LIN9: variants seen among roughly 807,000 people sequenced by gnomAD.
LIN9 encodes lin-9 DREAM MuvB core complex component, also known as protein lin-9 homolog.
LIN9 carries 18 observed loss-of-function variants against 78.0 expected under a neutral mutation model. The observed-to-expected ratio is 0.23, with a 90% confidence interval of 0.16 to 0.34. The LOEUF is 0.34. Among genes scored for constraint, LIN9 ranks in the 10% least tolerant of loss-of-function variants. The pLI, the probability that LIN9 is intolerant of heterozygous loss-of-function variation, is 1.00. For missense variants in LIN9, 451 were observed against 644.1 expected, an observed-to-expected ratio of 0.70 and a Z score of 3.25; for synonymous variants, 192 against 215.2, an observed-to-expected ratio of 0.89 and a Z score of 0.94.
intron 12 of LIN9, among the ~76,000 whole-genome samples, chr1:226,234,893 ATTTTT>A (rs558971569): frequency 7.4e-6 from 1 of 134,338 alleles, no homozygotes; most frequent in Non-Finnish European, 1.6e-5. Context: ...GTTATCCTAA[ATTTTT>A]TTTTTTTTTT....
chr1:226,290,604 T>C (rs964390816), intron 4 of LIN9, among the ~76,000 whole-genome samples: 1 of 152,058 alleles, frequency 6.6e-6, no homozygotes, highest in Non-Finnish European at 1.5e-5. Context: ...CCTCCCAAAG[T>C]GCTGGGATTA....
chr1:226,243,265 T>C lies in LIN9; in HGVS notation c.1120-4169A>G, dbSNP rs140628298. Among the ~76,000 whole-genome samples the C allele has an allele frequency of 4.0e-4, 61 of 152,304 alleles. 1 individual carries two copies. Among genetic ancestry groups the C allele is most frequent in the African/African-American group, 1.4e-3 (59 of 41,570 alleles). ...GCCTTAGAAATACAAAATAAAACAATGAGATTTATATTTCACCTATCAGAT... is the reference window on the plus strand; with the variant it reads ...GCCTTAGAAATACAAAATAAAACAACGAGATTTATATTTCACCTATCAGAT... On this transcript the variant is annotated intron_variant, in intron 11 of 14. Transcript: ENST00000681046.
intron 6 of LIN9, among the ~76,000 whole-genome samples, chr1:226,285,622 T>C (rs1661342352): frequency 6.6e-6 from 1 of 152,170 alleles, no homozygotes; most frequent in South Asian, 2.1e-4. Context: ...TCAAAAGTAA[T>C]ATAAGGTTTT....
chr1:226,281,682 AT>A (rs926949902), intron 6 of LIN9, among the ~76,000 whole-genome samples: 8 of 149,772 alleles, frequency 5.3e-5, no homozygotes, highest in African/African-American at 1.2e-4. Flanking sequence ...ATAGTTGACA[AT>A]TTTTTTTTCT....
At chr1:226,273,633 A>C (rs757440794) in intron 7 of LIN9, among the ~76,000 whole-genome samples, 1 of 152,032 alleles carries the variant, frequency 6.6e-6, no homozygotes, top group South Asian at 2.1e-4. Flanking sequence ...TTTTTTAAAA[A>C]GGCAGTTCCC....
chr1:226,274,996 T>C (rs1353804747), intron 7 of LIN9, among the ~76,000 whole-genome samples: 2 of 152,216 alleles, frequency 1.3e-5, no homozygotes, highest in African/African-American at 4.8e-5. Context: ...GGCTTTTTTA[T>C]TGACTTATGG....
intron 3 of LIN9, 107 bp downstream of exon 3, chr1:226,297,611 GA>G: frequency 6.8e-6 from 4 of 590,300 alleles, no homozygotes; most frequent in Non-Finnish European, 1.1e-5. Flanking sequence ...TTGAGGTTGG[GA>G]AAAAAACTTG....
chr1:226,290,847 C>G (rs1661739499), intron 4 of LIN9, among the ~76,000 whole-genome samples: 2 of 152,218 alleles, frequency 1.3e-5, no homozygotes, highest in South Asian at 4.1e-4. Flanking sequence ...GCCTTCGCCT[C>G]CCAGGTTCAA....
chr1:226,309,239 C>G, upstream of LIN9: 2 of 1,375,708 alleles, frequency 1.5e-6, no homozygotes, highest in Non-Finnish European at 1.9e-6. Flanking sequence ...GAGCTCGCTG[C>G]CCGCGGCGCC....
chr1:226,264,050 T>C (rs1659761829), intron 10 of LIN9, among the ~76,000 whole-genome samples: 1 of 152,004 alleles, frequency 6.6e-6, no homozygotes, highest in Admixed American at 6.6e-5. Flanking sequence ...TACTCCAGCC[T>C]GGACAACAGA....
chr1:226,288,718 G>A (rs1318322815), intron 4 of LIN9, among the ~76,000 whole-genome samples: 6 of 140,418 alleles, frequency 4.3e-5, no homozygotes, highest in African/African-American at 8.0e-5. Context: ...ATATACTTAC[G>A]AAACATGCAA....
intron 2 of LIN9, among the ~76,000 whole-genome samples, chr1:226,300,047 T>C (rs1266636761): frequency 6.6e-6 from 1 of 151,814 alleles, no homozygotes; most frequent in African/African-American, 2.4e-5. Context: ...CAAACAATTC[T>C]CCTGCCTCAG....
chr1:226,299,563 G>T (rs923538375), intron 2 of LIN9, among the ~76,000 whole-genome samples: 2 of 145,002 alleles, frequency 1.4e-5, no homozygotes, highest in African/African-American at 5.1e-5. Flanking sequence ...GGGAGAAAAA[G>T]AATAATGGAA....
Position 226,271,291 on chromosome 1 carries a change from C to G in LIN9, c.683-3201G>C, listed in dbSNP as rs553974595. ...ATCACAAAGTCCAGTCACTTTTTAC[C>G]TGCCAGATTCTTTGTTCCTACAGCA... On this transcript the variant is annotated intron_variant, in intron 7 of 14. Coordinates refer to ENST00000681046, the MANE Select transcript of LIN9 (RefSeq NM_001366245.2). Among the ~76,000 whole-genome samples the G allele has an allele frequency of 8.5e-5, 13 of 152,262 alleles. No homozygotes were observed. In the South Asian group the frequency reaches 2.5e-3, roughly 29 times the overall value.
At chr1:226,263,469 C>A (rs1370486035) in intron 10 of LIN9, among the ~76,000 whole-genome samples, 1 of 151,968 alleles carries the variant, frequency 6.6e-6, no homozygotes, top group African/African-American at 2.4e-5. Flanking sequence ...AATTAAAAAT[C>A]AAATATAACA....
intron 6 of LIN9, among the ~76,000 whole-genome samples, chr1:226,278,176 C>G (rs950465494): frequency 2.6e-5 from 4 of 152,150 alleles, no homozygotes; most frequent in Non-Finnish European, 4.4e-5. Flanking sequence ...CGCCTGTTAT[C>G]CCAGCACTTT....
intron 3 of LIN9, 94 bp downstream of exon 3, chr1:226,297,625 A>AT: frequency 1.3e-6 from 1 of 754,430 alleles, no homozygotes; most frequent in Non-Finnish European, 1.9e-6. Context: ...AAAACTTGTA[A>AT]ATTTTTTACT....
intron 6 of LIN9, among the ~76,000 whole-genome samples, 177 bp downstream of exon 6, chr1:226,286,156 T>A (rs1205445421): frequency 6.6e-6 from 1 of 152,202 alleles, no homozygotes; most frequent in African/African-American, 2.4e-5. Context: ...TCTCACTGTG[T>A]TGCCCAGGCT....
At chr1:226,260,641 T>G (rs948859393) in intron 10 of LIN9, among the ~76,000 whole-genome samples, 5 of 121,554 alleles carry the variant, frequency 4.1e-5, no homozygotes, top group Admixed American at 1.6e-4. Flanking sequence ...TTTTTTTTTT[T>G]TTTTTTTTTT....
Sources: allele counts gnomAD v4.1 joint callset (sites outside exome capture counted in the v4.1 genomes callset), GRCh38; gene constraint gnomAD v4.1.1; transcripts MANE v1.5; gene names NCBI Gene and HGNC (gene_info 2026-07-23, HGNC 2026-07-21).